Variants in SEMA3A observed in about 807,000 individuals in gnomAD.
The protein encoded by SEMA3A is semaphorin-3A.
In SEMA3A, 29 loss-of-function variants were observed where a neutral mutation model predicts 97.9. That is an observed-to-expected ratio of 0.30 (90% CI 0.22 to 0.40). The LOEUF is 0.40. Ranked by LOEUF, SEMA3A falls within the 10% of genes least tolerant of loss-of-function variation. The pLI is 1.00. For synonymous variants in SEMA3A, 321 were observed against 323.7 expected, an observed-to-expected ratio of 0.99 and a Z score of 0.09; for missense variants, 763 against 951.3, an observed-to-expected ratio of 0.80 and a Z score of 2.60.
At chr7:84,313,276 A>C (rs1801391334) in intron 2 of SEMA3A, among the ~76,000 whole-genome samples, 1 of 140,142 alleles carries the variant, frequency 7.1e-6, no homozygotes, top group African/African-American at 2.6e-5. Context: ...TTTTTCTCTC[A>C]TGAGAGGCTG....
At chr7:84,110,384 C>A in intron 4 of SEMA3A, 86 bp downstream of exon 4, 1 of 1,494,524 alleles carries the variant, frequency 6.7e-7, no homozygotes. Flanking sequence ...GAACCACAAG[C>A]AAAATAAACT....
Position 84,421,934 on chromosome 7 carries a change from G to A in SEMA3A, c.-245-50034C>T, listed in dbSNP as rs140218948. On this transcript the variant is annotated intron_variant, in intron 1 of 3. Transcript: ENST00000424555. Reference sequence around the variant, plus strand: ...TTCAGTTTGCCAGTATTTTATTGAGGATTTTTGCATCAATGTTCTTCAGGG... The same window carrying A: ...TTCAGTTTGCCAGTATTTTATTGAGAATTTTTGCATCAATGTTCTTCAGGG... Among the ~76,000 whole-genome samples, 4,154 of 152,054 alleles carry A rather than the reference G, an allele frequency of 0.027. 328 individuals are homozygous for A. The East Asian group carries it at 0.32, about 12-fold the overall frequency.
chr7:84,247,792 G>T (rs1240216454), intron 3 of SEMA3A, among the ~76,000 whole-genome samples: 1 of 152,188 alleles, frequency 6.6e-6, no homozygotes, highest in Non-Finnish European at 1.5e-5. Context: ...GGGTGTGTGA[G>T]AGTACTACTG....
At chr7:84,175,369 T>A (rs78859720) in intron 1 of SEMA3A, among the ~76,000 whole-genome samples, 2 of 152,242 alleles carry the variant, frequency 1.3e-5, no homozygotes, top group Non-Finnish European at 2.9e-5. Flanking sequence ...TTATATTTTT[T>A]AATTAACATT....
intron 1 of SEMA3A, among the ~76,000 whole-genome samples, chr7:84,183,445 A>G (rs955708370): frequency 7.2e-5 from 11 of 152,048 alleles, no homozygotes; most frequent in African/African-American, 2.4e-4. Context: ...TATCAAATAT[A>G]TTTTTAATCT....
rs576394646 is a variant in SEMA3A at position 84,010,155 on chromosome 7, AAAG to A, written c.995+864_995+866del. Among the ~76,000 whole-genome samples, 25 of 152,146 alleles carry A rather than the reference AAAG, an allele frequency of 1.6e-4. 1 individual carries two copies. The South Asian group carries it at 5.2e-3, about 32-fold the overall frequency. On this transcript the variant is annotated intron_variant, in intron 9 of 16. Transcript: ENST00000265362. ...AACTAAATGGAGCCTCAGGGAAAAA[AAAG>A]TAGATTTTTTTACAAAGAGAATCTA...
intron 3 of SEMA3A, among the ~76,000 whole-genome samples, chr7:84,201,178 T>A (rs1798347024): frequency 6.6e-6 from 1 of 152,126 alleles, no homozygotes; most frequent in South Asian, 2.1e-4. Context: ...AAAAGAATGT[T>A]GCACCTCAGA....
At chr7:84,039,723 T>C (rs1339322935) in intron 6 of SEMA3A, among the ~76,000 whole-genome samples, 1 of 152,096 alleles carries the variant, frequency 6.6e-6, no homozygotes, top group Admixed American at 6.6e-5. Context: ...AATCTATCAG[T>C]TATATCTAAA....
At chr7:83,974,593 A>G (rs1423843678) in intron 15 of SEMA3A, among the ~76,000 whole-genome samples, 2 of 152,174 alleles carry the variant, frequency 1.3e-5, no homozygotes, top group African/African-American at 2.4e-5. Context: ...TACATGATTT[A>G]GTAAGGCTGG....
At chr7:84,161,803 G>GT (rs1369710245) in intron 1 of SEMA3A, among the ~76,000 whole-genome samples, 1 of 152,284 alleles carries the variant, frequency 6.6e-6, no homozygotes, top group Admixed American at 6.5e-5. Flanking sequence ...GAGGCTGACT[G>GT]TAAGAAGAGA....
At chr7:84,273,014 A>T (rs1030016367) in intron 3 of SEMA3A, among the ~76,000 whole-genome samples, 1 of 152,138 alleles carries the variant, frequency 6.6e-6, no homozygotes, top group Non-Finnish European at 1.5e-5. Flanking sequence ...TGTGCATGCC[A>T]ACCTTTATCA....
At chr7:84,407,108 A>C (rs548324113) in intron 1 of SEMA3A, among the ~76,000 whole-genome samples, 1 of 152,270 alleles carries the variant, frequency 6.6e-6, no homozygotes, top group African/African-American at 2.4e-5. Context: ...AGGAATTCAA[A>C]TTGTCCCTGT....
At chr7:84,299,248 A>AT (rs1293913438) in intron 3 of SEMA3A, among the ~76,000 whole-genome samples, 2 of 145,966 alleles carry the variant, frequency 1.4e-5, no homozygotes, top group Non-Finnish European at 3.0e-5. Flanking sequence ...GTGTGTATAT[A>AT]TATATATATA....
intron 1 of SEMA3A, among the ~76,000 whole-genome samples, chr7:84,136,627 T>C (rs1796131933): frequency 6.6e-6 from 1 of 152,144 alleles, no homozygotes; most frequent in African/African-American, 2.4e-5. Context: ...ATTACTCTTA[T>C]AACCTGCATC....
At chr7:84,036,955 A>C (rs1271639114) in intron 6 of SEMA3A, among the ~76,000 whole-genome samples, 60 of 152,114 alleles carry the variant, frequency 3.9e-4, no homozygotes, top group Non-Finnish European at 1.3e-4. Context: ...ACTATATGGT[A>C]CAGTTTGGGG....
At chr7:84,484,771 C>T (rs905038245) in intron 1 of SEMA3A, among the ~76,000 whole-genome samples, 28 of 152,228 alleles carry the variant, frequency 1.8e-4, no homozygotes, top group Non-Finnish European at 3.4e-4. Flanking sequence ...GATGGCAATA[C>T]TGATGCTCTT....
intron 1 of SEMA3A, among the ~76,000 whole-genome samples, chr7:84,193,857 CAT>C (rs1467244031): frequency 6.6e-6 from 1 of 152,190 alleles, no homozygotes; most frequent in East Asian, 1.9e-4. Flanking sequence ...AATTAAATAA[CAT>C]AATATTTCAA....
At chr7:84,151,803 A>T (rs1796680688) in intron 1 of SEMA3A, among the ~76,000 whole-genome samples, 1 of 152,164 alleles carries the variant, frequency 6.6e-6, no homozygotes, top group Non-Finnish European at 1.5e-5. Context: ...TCATCTGACA[A>T]AGGGCTAATA....
intron 3 of SEMA3A, among the ~76,000 whole-genome samples, chr7:84,231,906 C>T (rs892108100): frequency 6.6e-6 from 1 of 151,808 alleles, no homozygotes; most frequent in Non-Finnish European, 1.5e-5. Context: ...AGAGAGGATA[C>T]ATGGAATGCT....
Sources: gnomAD v4.1 joint callset for allele counts (sites outside exome capture counted in the v4.1 genomes callset) on GRCh38, gnomAD v4.1.1 for gene constraint, MANE v1.5 for transcripts, NCBI Gene and HGNC (gene_info 2026-07-23, HGNC 2026-07-21) for gene names.